ASB7: variants seen among roughly 807,000 people sequenced by gnomAD.
ASB7 encodes ankyrin repeat and SOCS box protein 7.
In ASB7, 4 loss-of-function variants were observed where a neutral mutation model predicts 32.5. The observed-to-expected ratio is 0.12, with a 90% confidence interval of 0.06 to 0.28. The LOEUF is 0.28. Ranked by LOEUF, ASB7 falls within the 10% of genes least tolerant of loss-of-function variation. ASB7 has a pLI of 1.00. For missense variants in ASB7, 181 were observed against 407.1 expected (o/e 0.44, Z 4.78); for synonymous variants, 172 against 155.6 (o/e 1.11, Z -0.78).
chr15:100,609,966 T>C (rs572308989), intron 3 of ASB7, 138 bp downstream of exon 3: 1 of 152,346 alleles, frequency 6.6e-6, no homozygotes, highest in East Asian at 1.9e-4. Flanking sequence ...TTTGATATTG[T>C]TTCAGTCTTT....
In ASB7 at chr15:100,643,415, C is replaced by T. The variant is rs1265757158; in HGVS notation, c.818-4908C>T. On this transcript the variant is annotated intron_variant, in intron 5 of 5. Transcript: ENST00000332783. Reference sequence around the variant, plus strand: ...GTCATCTTTGGAGAGAACAGTCTGTCACAAAACAAATCCATATCAGCAGAT... The same window carrying T: ...GTCATCTTTGGAGAGAACAGTCTGTTACAAAACAAATCCATATCAGCAGAT... Among the ~76,000 whole-genome samples the T allele has an allele frequency of 6.0e-5, 9 of 150,660 alleles. No homozygotes were observed. The East Asian group carries it at 1.8e-3, about 30-fold the overall frequency.
At chr15:100,607,486 A>G (rs1257446485) in intron 2 of ASB7, among the ~76,000 whole-genome samples, 1 of 152,226 alleles carries the variant, frequency 6.6e-6, no homozygotes, top group African/African-American at 2.4e-5. Context: ...CGTAATTCAA[A>G]GCAGTGTAGC....
chr15:100,603,099 G>T, intron 1 of ASB7, 53 bp downstream of exon 1: 1 of 398,858 alleles, frequency 2.5e-6, no homozygotes, highest in South Asian at 1.3e-4. Flanking sequence ...GAGGGTAGGA[G>T]GGAGGAAAAT....
intron 5 of ASB7, among the ~76,000 whole-genome samples, chr15:100,637,313 C>G (rs985510455): frequency 6.6e-6 from 1 of 152,184 alleles, no homozygotes; most frequent in African/African-American, 2.4e-5. Context: ...ATTCACGTGT[C>G]ACTTTAAGGA....
rs774302734 is a variant in ASB7 at position 100,612,350 on chromosome 15, C to T, written c.134C>T (p.Ala45Val). ...GGCTATTCCCCGAATGGCCGAGATG[C>T]GAATGGCTGGACTCTGCTTCATTTC... The part of the protein sequence containing the change: ...EQGYSPNGRD[A>V]NGWTLLHFSA... The change falls in exon 4 of 6, where the codon GCG (alanine) becomes GTG (valine). Residue 45 changes from alanine to valine, a missense_variant. Physicochemically the swap from Ala to Val is moderately conservative, Grantham distance 64. Coordinates refer to ENST00000332783, the MANE Select transcript of ASB7 (RefSeq NM_198243.3). 8.1e-6 allele frequency: 13 copies of T among 1,613,992 alleles called. No homozygotes were observed. The highest frequency in any genetic ancestry group is 1.3e-5 in the African/African-American group (1 of 75,022).
intron 5 of ASB7, chr15:100,646,146 C>A (rs1342542752): frequency 4.9e-6 from 2 of 412,126 alleles, no homozygotes; most frequent in Non-Finnish European, 9.6e-6. Flanking sequence ...TCTGGACATT[C>A]CACTCCCATA....
chr15:100,612,581 T>A, intron 4 of ASB7, 154 bp downstream of exon 4: 1 of 742,854 alleles, frequency 1.3e-6, no homozygotes, highest in Non-Finnish European at 2.2e-6. Flanking sequence ...TAAGTGTGCC[T>A]TTTTGTTTAA....
intron 5 of ASB7, among the ~76,000 whole-genome samples, chr15:100,640,976 GT>G (rs1330771805): frequency 6.6e-6 from 1 of 152,110 alleles, no homozygotes; most frequent in Non-Finnish European, 1.5e-5. Flanking sequence ...TGAATACCTG[GT>G]AGTTTTTTGT....
At chr15:100,630,685 T>C (rs1268016086) in intron 5 of ASB7, among the ~76,000 whole-genome samples, 1 of 152,204 alleles carries the variant, frequency 6.6e-6, no homozygotes, top group Non-Finnish European at 1.5e-5. Context: ...GGTGCTTTTT[T>C]TAAAGCCTGG....
intron 5 of ASB7, among the ~76,000 whole-genome samples, chr15:100,642,807 C>T (rs1305512828): frequency 6.6e-6 from 1 of 152,232 alleles, no homozygotes; most frequent in Non-Finnish European, 1.5e-5. Context: ...GAGGCCGAGG[C>T]AGGCAGATCA....
At chr15:100,605,022 G>C (rs1338983565) in intron 2 of ASB7, among the ~76,000 whole-genome samples, 1 of 152,182 alleles carries the variant, frequency 6.6e-6, no homozygotes, top group Non-Finnish European at 1.5e-5. Context: ...GATGGTAAAG[G>C]GAAGGAGTCT....
chr15:100,651,461 AC>A lies in ASB7; in HGVS notation c.*3003del, dbSNP rs1246907653. 5 of 152,120 alleles carry A rather than the reference AC, an allele frequency of 3.3e-5. No individual in the cohort carries two copies. Among genetic ancestry groups the A allele is most frequent in the Non-Finnish European group, 2.9e-5 (2 of 68,026 alleles). The allele number at this position is 152,120 out of a possible 1,614,324, so 9.4% of individuals were successfully genotyped here. ...CTCTAGCATGACTCGTCAGATGCAC[AC>A]CCCAAGAGACAAGAATGTGTAGTTT... On this transcript the variant is annotated 3_prime_UTR_variant, in exon 6 of 6. Coordinates refer to ENST00000332783, the MANE Select transcript of ASB7 (RefSeq NM_198243.3).
intron 4 of ASB7, among the ~76,000 whole-genome samples, chr15:100,625,425 G>A (rs1032236596): frequency 6.6e-6 from 1 of 152,128 alleles, no homozygotes; most frequent in East Asian, 1.9e-4. Flanking sequence ...ATTTCTATCA[G>A]CAGTCATCAT....
intron 4 of ASB7, among the ~76,000 whole-genome samples, chr15:100,624,315 C>T (rs2039818758): frequency 1.3e-5 from 2 of 152,172 alleles, no homozygotes; most frequent in Admixed American, 6.5e-5. Flanking sequence ...GAAATGTTCT[C>T]AGCTCATAGA....
intron 4 of ASB7, among the ~76,000 whole-genome samples, chr15:100,627,564 T>A (rs146429956): frequency 6.6e-6 from 1 of 152,270 alleles, no homozygotes; most frequent in Admixed American, 6.5e-5. Context: ...TGTTAATCTC[T>A]GTTTTTCCTT....
rs905366290 is a variant in ASB7 at position 100,602,852 on chromosome 15, A to G, written c.-467A>G. The G allele has an allele frequency of 4.8e-5, 19 of 393,916 alleles. No individual in the cohort carries two copies. The highest frequency in any genetic ancestry group is 8.0e-5 in the Non-Finnish European group (18 of 223,722). The allele number at this position is 393,916 out of a possible 1,614,324, so 24.4% of individuals were successfully genotyped here. On this transcript the variant is annotated 5_prime_UTR_variant, in exon 1 of 6. Coordinates refer to ENST00000332783, the MANE Select transcript of ASB7 (RefSeq NM_198243.3). The stretch of plus-strand genomic sequence containing the variant: ...CCTGCCTCCCTGCACCTCTGCCCCA[A>G]GGCTGCCCGGCGGCCGGGATCGCCA...
intron 2 of ASB7, among the ~76,000 whole-genome samples, chr15:100,605,139 A>C (rs185986909): frequency 3.1e-4 from 47 of 152,280 alleles, no homozygotes; most frequent in Admixed American, 1.8e-3. Flanking sequence ...CTCATTTTTT[A>C]ATAGTTTTTC....
chr15:100,643,477 CTTTTTTTTTTT>C (rs1172063471), intron 5 of ASB7, among the ~76,000 whole-genome samples: 35 of 104,404 alleles, frequency 3.4e-4, no homozygotes, highest in African/African-American at 1.2e-3. Flanking sequence ...GTCCCTTCTT[CTTTTTTTTTTT>C]TTTTTTTTTT....
intron 5 of ASB7, among the ~76,000 whole-genome samples, chr15:100,639,741 T>C (rs1180692778): frequency 1.1e-4 from 17 of 152,230 alleles, no homozygotes; most frequent in Admixed American, 1.1e-3. Context: ...AGAATCACTT[T>C]TAGAAATAAA....
Sources: gnomAD v4.1 joint callset for allele counts (sites outside exome capture counted in the v4.1 genomes callset) on GRCh38, gnomAD v4.1.1 for gene constraint, MANE v1.5 for transcripts, NCBI Gene and HGNC (gene_info 2026-07-23, HGNC 2026-07-21) for gene names.